Variants in ELL observed in about 807,000 individuals in gnomAD.
ELL encodes the protein RNA polymerase II elongation factor ELL.
Under a neutral mutation model 64.0 loss-of-function variants are expected in ELL, and 18 were observed. The ratio of observed to expected loss-of-function variants is 0.28; its 90% CI spans 0.19 to 0.42. The LOEUF is 0.42. ELL is among the 10% of genes least tolerant of loss of function. The probability of loss-of-function intolerance (pLI) is 1.00; values close to 1 mark genes in which losing one functional copy is unlikely to be tolerated. For synonymous variants in ELL, 399 were observed against 376.2 expected, an observed-to-expected ratio of 1.06 and a Z score of -0.70; for missense variants, 797 against 870.4, an observed-to-expected ratio of 0.92 and a Z score of 1.06.
chr19:18,508,424 C>A (rs771558480), intron 1 of ELL, among the ~76,000 whole-genome samples: 9 of 152,386 alleles, frequency 5.9e-5, no homozygotes, highest in Admixed American at 1.3e-4. Context: ...ATCATCTGCA[C>A]TAACTGTGTG....
chr19:18,469,069 G>A (rs984958524), intron 2 of ELL, among the ~76,000 whole-genome samples: 70 of 152,234 alleles, frequency 4.6e-4, no homozygotes, highest in African/African-American at 1.5e-3. Context: ...CCAGGGCCAG[G>A]TGTGCAGCTG....
At chr19:18,464,097 G>A (rs765464447) in intron 4 of ELL, among the ~76,000 whole-genome samples, 10 of 152,182 alleles carry the variant, frequency 6.6e-5, no homozygotes, top group Non-Finnish European at 1.3e-4. Context: ...GGCCAGGTGC[G>A]CTGACTCATG....
chr19:18,494,310 T>G (rs1308646722), intron 1 of ELL, among the ~76,000 whole-genome samples: 1 of 151,718 alleles, frequency 6.6e-6, no homozygotes, highest in Non-Finnish European at 1.5e-5. Flanking sequence ...AAGGAGAGAT[T>G]TGGATGTAGA....
chr19:18,474,197 G>A lies in ELL; in HGVS notation c.136-1315C>T, dbSNP rs182279680. 3.3e-3 allele frequency among the ~76,000 whole-genome samples: 503 copies of A among 152,364 alleles called. 2 individuals are homozygous for A. Among genetic ancestry groups the A allele is most frequent in the African/African-American group, 0.011 (473 of 41,576 alleles). ...AGTTGGGAAAGACAGGAGCTGCTAG[G>A]AGCAGCGGAAGCCGCCTGGGACATG... On this transcript the variant is annotated intron_variant, in intron 1 of 11. Coordinates refer to ENST00000262809, the MANE Select transcript of ELL (RefSeq NM_006532.4).
intron 1 of ELL, among the ~76,000 whole-genome samples, chr19:18,482,944 G>GT (rs904645970): frequency 2.6e-5 from 4 of 151,744 alleles, no homozygotes; most frequent in Non-Finnish European, 5.9e-5. Context: ...CAGCTACGTT[G>GT]TTTTTTTAAC....
chr19:18,445,755 G>A (rs1002584612), intron 10 of ELL, among the ~76,000 whole-genome samples: 12 of 152,236 alleles, frequency 7.9e-5, no homozygotes, highest in East Asian at 3.9e-4. Context: ...CAGGTGGGGC[G>A]GCTACGTCCA....
Position 18,521,951 on chromosome 19 carries a change from C to T in ELL, c.105G>A (p.Leu35=). The change falls in exon 1 of 12, where the codon CTG becomes CTA. Residue 35 remains leucine (L), a synonymous_variant. Coordinates refer to ENST00000262809, the MANE Select transcript of ELL (RefSeq NM_006532.4). ...VFHVKLTDSA[L]RAFESYRARQ... Reference sequence around the variant, plus strand: ...TGGCGCGGTAGCTCTCGAAGGCCCTCAGGGCACTGTCGGTGAGCTTCACGT... The same window carrying T: ...TGGCGCGGTAGCTCTCGAAGGCCCTTAGGGCACTGTCGGTGAGCTTCACGT... 1 of 1,609,074 alleles carries T rather than the reference C, an allele frequency of 6.2e-7. No homozygotes were observed. Among genetic ancestry groups the T allele is most frequent in the East Asian group, 2.2e-5 (1 of 44,526 alleles).
intron 6 of ELL, among the ~76,000 whole-genome samples, chr19:18,452,521 GAA>G (rs1445866733): frequency 1.3e-5 from 2 of 152,244 alleles, no homozygotes; most frequent in African/African-American, 4.8e-5. Context: ...AAGGAGGAGT[GAA>G]GACACCGGAA....
chr19:18,458,304 C>T lies in ELL; in HGVS notation c.770G>A (p.Gly257Asp), dbSNP rs1294426022. The T allele has an allele frequency of 6.2e-7, 1 of 1,612,970 alleles. No homozygotes were observed. Among genetic ancestry groups the T allele is most frequent in the African/African-American group, 1.3e-5 (1 of 75,008 alleles). ...QQVANMSAKD[G>D]TCTLQDCMYK... is the part of the protein sequence containing the mutation. ...CATGCAGTCCTGCAGTGTACACGTGCCGTCCTTAGCACTCATGTTGGCCAC... is the reference window on the plus strand; with the variant it reads ...CATGCAGTCCTGCAGTGTACACGTGTCGTCCTTAGCACTCATGTTGGCCAC... The change falls in exon 6 of 12, where the codon GGC becomes GAC. Residue 257 changes from glycine (G) to aspartate (D), a missense_variant. Transcript: ENST00000262809.
chr19:18,443,158 G>A lies in ELL; in HGVS notation c.*1594C>T. The A allele has an allele frequency of 4.3e-6, 1 of 232,488 alleles. No homozygotes were observed. Among genetic ancestry groups the A allele is most frequent in the East Asian group, 6.1e-5 (1 of 16,508 alleles). The allele number at this position is 232,488 out of a possible 1,614,324, so 14.4% of individuals were successfully genotyped here. On this transcript the variant is annotated 3_prime_UTR_variant, in exon 12 of 12. Coordinates refer to ENST00000262809, the MANE Select transcript of ELL (RefSeq NM_006532.4). ...GCGGGCGACACAGCAAGGTCCAGCT[G>A]ACTCTGGAGGCCTCCTGGAGCCTGC...
chr19:18,458,839 C>G (rs889848845), intron 5 of ELL, among the ~76,000 whole-genome samples: 1 of 152,026 alleles, frequency 6.6e-6, no homozygotes, highest in Admixed American at 6.6e-5. Flanking sequence ...GTTGTCCAGG[C>G]TTGTCTTGAA....
intron 4 of ELL, 99 bp from the exon 5 acceptor site, chr19:18,461,951 G>C (rs1974824574): frequency 2.1e-6 from 3 of 1,446,494 alleles, no homozygotes; most frequent in Non-Finnish European, 1.9e-6. Flanking sequence ...ACTATAGACA[G>C]TGCTGGTGGG....
chr19:18,467,632 CACACA>C (rs1974968754), intron 2 of ELL, among the ~76,000 whole-genome samples: 2 of 3,674 alleles, frequency 5.4e-4, no homozygotes, highest in African/African-American at 0.011. Context: ...ACCACACAAC[CACACA>C]CACACACACA....
intron 1 of ELL, among the ~76,000 whole-genome samples, chr19:18,514,512 T>TAA (rs1976090503): frequency 1.4e-5 from 1 of 72,812 alleles, no homozygotes; most frequent in Admixed American, 2.1e-4. Flanking sequence ...AGACTCCATC[T>TAA]CAAAAAAAAA....
chr19:18,464,588 G>A (rs1427659302), intron 4 of ELL, among the ~76,000 whole-genome samples: 1 of 152,110 alleles, frequency 6.6e-6, no homozygotes, highest in Non-Finnish European at 1.5e-5. Context: ...CTCAGCAAAG[G>A]GAAATCACGT....
intron 1 of ELL, among the ~76,000 whole-genome samples, chr19:18,496,244 G>A (rs895260690): frequency 2.0e-4 from 31 of 152,314 alleles, no homozygotes; most frequent in African/African-American, 6.0e-4. Flanking sequence ...TGAGTGTGTG[G>A]GCGTGGTTGT....
At chr19:18,490,008 T>C (rs1975494529) in intron 1 of ELL, among the ~76,000 whole-genome samples, 1 of 152,086 alleles carries the variant, frequency 6.6e-6, no homozygotes, top group Non-Finnish European at 1.5e-5. Flanking sequence ...CCCTCAAGCC[T>C]CCAGCCACCT....
intron 1 of ELL, among the ~76,000 whole-genome samples, chr19:18,475,521 G>T (rs187200962): frequency 7.2e-5 from 11 of 151,978 alleles, no homozygotes; most frequent in Admixed American, 6.6e-4. Flanking sequence ...ACACACTTCC[G>T]TACAAAAACT....
intron 1 of ELL, among the ~76,000 whole-genome samples, chr19:18,494,534 A>G (rs1432021787): frequency 6.6e-6 from 1 of 151,906 alleles, no homozygotes; most frequent in Non-Finnish European, 1.5e-5. Context: ...GGGATTACGG[A>G]TGCCTGCCAC....
Sources: allele counts gnomAD v4.1 joint callset (sites outside exome capture counted in the v4.1 genomes callset), GRCh38; gene constraint gnomAD v4.1.1; transcripts MANE v1.5; gene names NCBI Gene and HGNC (gene_info 2026-07-23, HGNC 2026-07-21).